The following EPB41 variants were observed in gnomAD, a reference collection of about 807,000 sequenced individuals.
The protein encoded by EPB41 is protein 4.1.
Under a neutral mutation model 108.0 loss-of-function variants are expected in EPB41, and 65 were observed. The ratio of observed to expected loss-of-function variants is 0.60; its 90% CI spans 0.49 to 0.74. The LOEUF (loss-of-function observed/expected upper bound fraction) is 0.74, where lower values mean the gene tolerates loss of function less well. Among genes scored for constraint, EPB41 ranks in the 30% least tolerant of loss-of-function variants. The pLI is 0.00. For synonymous variants in EPB41, 336 were observed against 358.9 expected (o/e 0.94, Z 0.72); for missense variants, 875 against 1,037.0 (o/e 0.84, Z 2.15).
chr1:28,905,130 TG>T lies in EPB41; in HGVS notation c.-8+17922del, dbSNP rs201599233. On this transcript the variant is annotated intron_variant, in intron 1 of 16. Coordinates refer to the EPB41 transcript ENST00000347529. ...ATGAGACTAGCTAGAACCCGGGAGA[TG>T]GAGGTTGCAGTGAGGCGAGATTGCG... Among the ~76,000 whole-genome samples, 115 of 149,506 alleles carry T rather than the reference TG, an allele frequency of 7.7e-4. 2 individuals are homozygous for T. In the East Asian group the frequency reaches 0.021, roughly 27 times the overall value.
chr1:28,949,975 T>C (rs1454152289), intron 1 of EPB41, among the ~76,000 whole-genome samples: 1 of 152,216 alleles, frequency 6.6e-6, no homozygotes, highest in Non-Finnish European at 1.5e-5. Flanking sequence ...TACTGTGGTA[T>C]AATATTCCAT....
chr1:29,113,557 G>T (rs944515578), intron 19 of EPB41, among the ~76,000 whole-genome samples: 3 of 152,202 alleles, frequency 2.0e-5, no homozygotes, highest in African/African-American at 7.2e-5. Flanking sequence ...CCCCTGCTAC[G>T]TGCTCAGTCT....
intron 16 of EPB41, among the ~76,000 whole-genome samples, chr1:29,086,940 C>CTTGTTTTTTT (rs1659208775): frequency 1.0e-5 from 1 of 98,564 alleles, no homozygotes; most frequent in African/African-American, 4.0e-5. Flanking sequence ...AACTGTGGTT[C>CTTGTTTTTTT]TTTTTTTTTT....
chr1:29,100,869 C>T lies in EPB41; in HGVS notation c.2313+2934C>T, dbSNP rs151186404. 5.7e-3 allele frequency among the ~76,000 whole-genome samples: 851 copies of T among 149,608 alleles called. 20 individuals are homozygous for T. The highest frequency in any genetic ancestry group is 0.048 in the Admixed American group (714 of 14,810). ...TCTTGAGCCCAGGTGTTCAAGGCTA[C>T]AGTGAGCTAGAGTCATGCCATTGTA... is the stretch of plus-strand genomic sequence containing the variant. On this transcript the variant is annotated intron_variant, in intron 17 of 20. Coordinates refer to ENST00000343067, the MANE Select transcript of EPB41 (RefSeq NM_001376013.1).
chr1:29,015,850 G>A, intron 6 of EPB41, 83 bp downstream of exon 6: 2 of 926,270 alleles, frequency 2.2e-6, no homozygotes, highest in Non-Finnish European at 3.4e-6. Context: ...CATAAGCTCT[G>A]CTAATTCCGT....
chr1:29,093,334 G>A (rs1268161717), intron 16 of EPB41, among the ~76,000 whole-genome samples: 1 of 152,008 alleles, frequency 6.6e-6, no homozygotes, highest in African/African-American at 2.4e-5. Context: ...TATGCTTGTT[G>A]GCCACATGCA....
At chr1:28,966,756 C>G (rs957451022) in intron 1 of EPB41, among the ~76,000 whole-genome samples, 1 of 152,094 alleles carries the variant, frequency 6.6e-6, no homozygotes, top group Non-Finnish European at 1.5e-5. Context: ...CAGAAGAAAC[C>G]ACAAATCCTA....
intron 17 of EPB41, among the ~76,000 whole-genome samples, chr1:29,108,297 C>T (rs1368919437): frequency 6.6e-6 from 1 of 151,478 alleles, no homozygotes; most frequent in Admixed American, 6.6e-5. Context: ...TGCAGACATG[C>T]ACCACCACAC....
At chr1:28,952,083 A>G (rs949023361) in intron 1 of EPB41, among the ~76,000 whole-genome samples, 1 of 152,144 alleles carries the variant, frequency 6.6e-6, no homozygotes, top group African/African-American at 2.4e-5. Flanking sequence ...TAGAGGAAAA[A>G]CAGAATTATA....
At chr1:28,967,250 C>T (rs949354743) in intron 1 of EPB41, among the ~76,000 whole-genome samples, 9 of 152,134 alleles carry the variant, frequency 5.9e-5, no homozygotes, top group Non-Finnish European at 1.2e-4. Context: ...GATTTCCTGA[C>T]CTCGTGATCC....
chr1:29,104,790 A>G (rs1355779438), intron 17 of EPB41, among the ~76,000 whole-genome samples: 1 of 151,992 alleles, frequency 6.6e-6, no homozygotes, highest in Non-Finnish European at 1.5e-5. Context: ...GGGCTTCGCC[A>G]TGTTGGTCAG....
At chr1:28,981,000 T>A (rs548255805) in intron 1 of EPB41, among the ~76,000 whole-genome samples, 1 of 152,258 alleles carries the variant, frequency 6.6e-6, no homozygotes, top group Non-Finnish European at 1.5e-5. Context: ...CTCGAACTCC[T>A]GACCTCAGGT....
At chr1:29,096,288 C>G in intron 16 of EPB41, 2 of 985,848 alleles carry the variant, frequency 2.0e-6, no homozygotes, top group Non-Finnish European at 2.4e-6. Context: ...TCGTCGGAGT[C>G]TCTGCAAAGC....
upstream of EPB41, among the ~76,000 whole-genome samples, chr1:28,910,839 C>T (rs1225679872): frequency 1.3e-5 from 2 of 151,860 alleles, no homozygotes; most frequent in Admixed American, 6.6e-5. Context: ...GGAAGGAACA[C>T]AAGGGGTAGG....
intron 1 of EPB41, among the ~76,000 whole-genome samples, chr1:28,960,270 C>T (rs2095149394): frequency 6.6e-6 from 1 of 151,920 alleles, no homozygotes; most frequent in African/African-American, 2.4e-5. Context: ...CTTGGCCTCC[C>T]AAAGTGTTGG....
intron 16 of EPB41, among the ~76,000 whole-genome samples, chr1:29,068,410 ATCT>A (rs1189083383): frequency 6.6e-6 from 1 of 152,188 alleles, no homozygotes; most frequent in Non-Finnish European, 1.5e-5. Flanking sequence ...CCTTTCAGAA[ATCT>A]TCTCAGGGTT....
At chr1:29,032,867 G>A (rs1342904558) in intron 8 of EPB41, among the ~76,000 whole-genome samples, 2 of 152,086 alleles carry the variant, frequency 1.3e-5, no homozygotes, top group African/African-American at 2.4e-5. Flanking sequence ...ATAATTGTGC[G>A]TGTATATTTG....
intron 18 of EPB41, 171 bp downstream of exon 18, chr1:29,109,608 A>G (rs896849294): frequency 2.1e-5 from 14 of 677,312 alleles, no homozygotes; most frequent in African/African-American, 1.2e-4. Context: ...TTCCCCAGCA[A>G]TAAATCTAGG....
At chr1:29,068,754 C>A in intron 16 of EPB41, 2 of 1,232,122 alleles carry the variant, frequency 1.6e-6, no homozygotes, top group Non-Finnish European at 2.0e-6. Context: ...TTCTGTCCTA[C>A]CCTCGGAAAG....
Sources: gnomAD v4.1 joint callset for allele counts (sites outside exome capture counted in the v4.1 genomes callset) on GRCh38, gnomAD v4.1.1 for gene constraint, MANE v1.5 for transcripts, NCBI Gene and HGNC (gene_info 2026-07-23, HGNC 2026-07-21) for gene names.